HEATR5A: variants seen among roughly 807,000 people sequenced by gnomAD.
HEATR5A encodes the protein HEAT repeat-containing protein 5A.
HEATR5A carries 178 observed loss-of-function variants against 218.8 expected under a neutral mutation model. The ratio of observed to expected loss-of-function variants is 0.81; its 90% CI spans 0.72 to 0.92. HEATR5A has a LOEUF of 0.92. Among genes scored for constraint, HEATR5A ranks in the 40% least tolerant of loss-of-function variants. The probability of loss-of-function intolerance (pLI) is 0.00; values close to 1 mark genes in which losing one functional copy is unlikely to be tolerated. For missense variants in HEATR5A, 2,420 were observed against 2,418.9 expected, an observed-to-expected ratio of 1.00 and a Z score of -0.01; for synonymous variants, 864 against 871.6, an observed-to-expected ratio of 0.99 and a Z score of 0.15.
intron 4 of HEATR5A, among the ~76,000 whole-genome samples, chr14:31,395,811 A>C (rs1346633608): frequency 6.6e-6 from 1 of 152,242 alleles, no homozygotes; most frequent in Admixed American, 6.5e-5. Context: ...CAACAAGCCC[A>C]GACATACAAC....
intron 22 of HEATR5A, among the ~76,000 whole-genome samples, chr14:31,328,461 T>A (rs1347720671): frequency 1.3e-5 from 2 of 152,096 alleles, no homozygotes; most frequent in East Asian, 3.8e-4. Flanking sequence ...TAGGGAAATG[T>A]GTGTGAGGGC....
intron 22 of HEATR5A, among the ~76,000 whole-genome samples, chr14:31,333,298 G>A (rs1044625571): frequency 5.9e-5 from 9 of 151,982 alleles, no homozygotes; most frequent in Non-Finnish European, 1.5e-5. Context: ...ACCCAGGCTG[G>A]AGTACAGTGG....
At chr14:31,363,606 T>C (rs1410117994) in intron 14 of HEATR5A, among the ~76,000 whole-genome samples, 1 of 152,312 alleles carries the variant, frequency 6.6e-6, no homozygotes, top group East Asian at 1.9e-4. Flanking sequence ...ACTAGCTCAC[T>C]GTATCATCCC....
At chr14:31,299,617 G>A (rs1382342889) in intron 33 of HEATR5A, among the ~76,000 whole-genome samples, 1 of 151,932 alleles carries the variant, frequency 6.6e-6, no homozygotes, top group African/African-American at 2.4e-5. Context: ...CAGCTACTTG[G>A]GAGGCTGAGG....
chr14:31,339,551 G>A (rs1328803030), intron 21 of HEATR5A, among the ~76,000 whole-genome samples: 1 of 150,938 alleles, frequency 6.6e-6, no homozygotes, highest in Non-Finnish European at 1.5e-5. Context: ...GAAAAAATTT[G>A]TGCATATATC....
chr14:31,366,478 A>G (rs187673510), intron 13 of HEATR5A, among the ~76,000 whole-genome samples: 1 of 152,322 alleles, frequency 6.6e-6, no homozygotes, highest in African/African-American at 2.4e-5. Context: ...CTATAATAAA[A>G]TTTAGTTCAG....
At chr14:31,380,212 A>G (rs1261125270) in intron 11 of HEATR5A, among the ~76,000 whole-genome samples, 1 of 152,174 alleles carries the variant, frequency 6.6e-6, no homozygotes, top group Non-Finnish European at 1.5e-5. Flanking sequence ...CTGAAAGATG[A>G]TTAGTAACTC....
intron 16 of HEATR5A, among the ~76,000 whole-genome samples, chr14:31,355,816 C>T (rs527476901): frequency 6.6e-6 from 1 of 152,276 alleles, no homozygotes; most frequent in East Asian, 1.9e-4. Context: ...TACGTTAGAA[C>T]CCTACAGTCA....
intron 14 of HEATR5A, among the ~76,000 whole-genome samples, chr14:31,363,683 A>T (rs566908723): frequency 2.0e-4 from 30 of 152,152 alleles, no homozygotes; most frequent in Middle Eastern, 3.4e-3. Flanking sequence ...GAGGTTTTTT[A>T]AAAAAAAGTA....
chr14:31,294,520 C>CTGTT (rs943130676), intron 34 of HEATR5A, among the ~76,000 whole-genome samples: 1 of 151,362 alleles, frequency 6.6e-6, no homozygotes, highest in African/African-American at 2.4e-5. Flanking sequence ...AGTGATTCTC[C>CTGTT]TGTTTCAACC....
At chr14:31,336,209 C>CATATATAT (rs1900649354) in intron 22 of HEATR5A, among the ~76,000 whole-genome samples, 3 of 57,614 alleles carry the variant, frequency 5.2e-5, no homozygotes, top group Non-Finnish European at 9.1e-5. Flanking sequence ...TTTATATATA[C>CATATATAT]ATACATACAT....
chr14:31,404,097 A>C (rs2030974731), intron 1 of HEATR5A, among the ~76,000 whole-genome samples: 1 of 152,208 alleles, frequency 6.6e-6, no homozygotes, highest in African/African-American at 2.4e-5. Flanking sequence ...AAGTAGAAAA[A>C]ATTATTTAAG....
At chr14:31,331,030 C>T (rs1281419304) in intron 22 of HEATR5A, among the ~76,000 whole-genome samples, 2 of 147,834 alleles carry the variant, frequency 1.4e-5, no homozygotes, top group South Asian at 2.2e-4. Flanking sequence ...CAGCCTCTGC[C>T]TCCTGGGTTC....
Position 31,345,166 on chromosome 14 carries a change from A to T in HEATR5A, c.2979T>A (p.Pro993=), listed in dbSNP as rs367598847. The T allele has an allele frequency of 8.7e-6, 14 of 1,613,834 alleles. No individual in the cohort carries two copies. Among genetic ancestry groups the T allele is most frequent in the Non-Finnish European group, 1.2e-5 (14 of 1,179,864 alleles). ...SLIIMLLLNV[P]PTHAEVHQSL... Reference sequence around the variant, plus strand: ...TTTGGTGAACTTCAGCATGAGTAGGAGGCACATTTAACAACAACATTATAA... The same window carrying T: ...TTTGGTGAACTTCAGCATGAGTAGGTGGCACATTTAACAACAACATTATAA... The change falls in exon 20 of 36, where the codon CCT becomes CCA. Residue 993 remains proline, a synonymous_variant. Transcript: ENST00000543095.
chr14:31,340,329 A>C (rs1429140727), intron 21 of HEATR5A: 1 of 481,288 alleles, frequency 2.1e-6, no homozygotes, highest in African/African-American at 2.1e-5. Context: ...TGGACTTAGC[A>C]TTAATGGTTC....
intron 5 of HEATR5A, among the ~76,000 whole-genome samples, chr14:31,394,633 G>T (rs1161204304): frequency 2.0e-5 from 3 of 151,950 alleles, no homozygotes; most frequent in Non-Finnish European, 4.4e-5. Flanking sequence ...GGCTAAGATG[G>T]TGGAACCCCG....
intron 11 of HEATR5A, among the ~76,000 whole-genome samples, chr14:31,376,833 A>T (rs1475464923): frequency 6.6e-6 from 1 of 152,160 alleles, no homozygotes; most frequent in East Asian, 1.9e-4. Flanking sequence ...GCTGTCTAAA[A>T]ATCATTCCCA....
chr14:31,404,493 T>C (rs2030988067), intron 1 of HEATR5A, among the ~76,000 whole-genome samples: 1 of 149,002 alleles, frequency 6.7e-6, no homozygotes, highest in Non-Finnish European at 1.5e-5. Flanking sequence ...ATAATTATAA[T>C]ATAACTGAAA....
chr14:31,413,418 T>C (rs2031349877), intron 1 of HEATR5A, among the ~76,000 whole-genome samples: 1 of 151,682 alleles, frequency 6.6e-6, no homozygotes. Flanking sequence ...ATACTGCATG[T>C]TATTGTAAGG....
Sources: allele counts gnomAD v4.1 joint callset (sites outside exome capture counted in the v4.1 genomes callset), GRCh38; gene constraint gnomAD v4.1.1; transcripts MANE v1.5; gene names NCBI Gene and HGNC (gene_info 2026-07-23, HGNC 2026-07-21).